Variants in MRPL1 observed in about 807,000 individuals in gnomAD.
MRPL1 encodes the protein mitochondrial ribosomal protein L1.
MRPL1 carries 28 observed loss-of-function variants against 38.0 expected under a neutral mutation model. That is an observed-to-expected ratio of 0.74 (90% CI 0.55 to 1.01). The LOEUF (loss-of-function observed/expected upper bound fraction) is 1.01, where lower values mean the gene tolerates loss of function less well. MRPL1 is among the 50% of genes least tolerant of loss of function. The pLI is 0.00. For synonymous variants in MRPL1, 123 were observed against 126.7 expected, an observed-to-expected ratio of 0.97 and a Z score of 0.20; for missense variants, 358 against 389.8, an observed-to-expected ratio of 0.92 and a Z score of 0.69.
chr4:77,890,749 C>G (rs1324870096), intron 5 of MRPL1, among the ~76,000 whole-genome samples: 1 of 152,166 alleles, frequency 6.6e-6, no homozygotes, highest in Non-Finnish European at 1.5e-5. Context: ...CGTCTCAGCC[C>G]CAAATCTCCT....
chr4:77,867,136 A>G (rs1216408724), intron 1 of MRPL1, among the ~76,000 whole-genome samples: 7 of 152,196 alleles, frequency 4.6e-5, no homozygotes, highest in African/African-American at 1.7e-4. Context: ...TTTATCCTGC[A>G]GTGCCTCCAT....
intron 7 of MRPL1, among the ~76,000 whole-genome samples, chr4:77,931,914 C>T (rs753649718): frequency 7.2e-5 from 11 of 151,934 alleles, no homozygotes; most frequent in Non-Finnish European, 4.4e-5. Flanking sequence ...CATCTGTTCA[C>T]GCAGCGCTGT....
intron 7 of MRPL1, among the ~76,000 whole-genome samples, chr4:77,934,573 T>G (rs968042264): frequency 6.6e-6 from 1 of 152,226 alleles, no homozygotes; most frequent in Non-Finnish European, 1.5e-5. Context: ...ACTGGAACTC[T>G]TATTTATTGC....
intron 2 of MRPL1, among the ~76,000 whole-genome samples, chr4:77,882,192 C>G (rs1401933471): frequency 6.6e-6 from 1 of 152,206 alleles, no homozygotes; most frequent in Non-Finnish European, 1.5e-5. Flanking sequence ...AGTTTGCCAA[C>G]TCTGCTCTAG....
At chr4:77,924,231 A>AGTGGTGT (rs10628114) in intron 7 of MRPL1, among the ~76,000 whole-genome samples, 114,396 of 151,270 alleles carry the variant, frequency 0.76, 44,053 homozygotes, top group African/African-American at 0.91. Context: ...ACTATTAATC[A>AGTGGTGT]GTGTGTTTCG....
At chr4:77,885,174 A>G in intron 3 of MRPL1, 82 bp from the exon 4 acceptor site, 1 of 1,035,404 alleles carries the variant, frequency 9.7e-7, no homozygotes, top group Non-Finnish European at 1.5e-6. Context: ...AAAACAAAAC[A>G]TGTCCGTTCT....
At chr4:77,913,225 A>G (rs1007807067) in intron 7 of MRPL1, among the ~76,000 whole-genome samples, 4 of 152,270 alleles carry the variant, frequency 2.6e-5, no homozygotes, top group African/African-American at 9.6e-5. Context: ...GTTAAGAGAA[A>G]GAAAAGACAA....
At chr4:77,935,859 G>C (rs184550902) in intron 7 of MRPL1, among the ~76,000 whole-genome samples, 1 of 150,680 alleles carries the variant, frequency 6.6e-6, no homozygotes, top group Non-Finnish European at 1.5e-5. Context: ...TTGAACCTGC[G>C]AGGCAGAGGT....
intron 6 of MRPL1, among the ~76,000 whole-genome samples, chr4:77,902,405 A>G (rs1359888637): frequency 6.7e-6 from 1 of 150,346 alleles, no homozygotes; most frequent in Non-Finnish European, 1.5e-5. Flanking sequence ...AAAAAAAAAA[A>G]CCGAGTTAGA....
At chr4:77,879,780 T>C (rs1299302615) in intron 2 of MRPL1, among the ~76,000 whole-genome samples, 1 of 152,226 alleles carries the variant, frequency 6.6e-6, no homozygotes, top group Admixed American at 6.5e-5. Flanking sequence ...ACTTCCACGG[T>C]AGCTGTTGAG....
At chr4:77,945,340 A>G (rs1737235021) in intron 7 of MRPL1, among the ~76,000 whole-genome samples, 1 of 151,976 alleles carries the variant, frequency 6.6e-6, no homozygotes, top group South Asian at 2.1e-4. Context: ...GAGATTTTGG[A>G]GGACAACTGG....
At chr4:77,900,900 GA>G (rs1736019856) in intron 6 of MRPL1, among the ~76,000 whole-genome samples, 1 of 152,060 alleles carries the variant, frequency 6.6e-6, no homozygotes. Context: ...GATGAAGAAG[GA>G]AAGAGTCTGG....
chr4:77,925,365 T>C (rs943548863), intron 7 of MRPL1, among the ~76,000 whole-genome samples: 1 of 151,826 alleles, frequency 6.6e-6, no homozygotes, highest in African/African-American at 2.4e-5. Context: ...TTTTTTTTCT[T>C]TTTTGAGACC....
At chr4:77,913,517 G>A (rs1736338930) in intron 7 of MRPL1, among the ~76,000 whole-genome samples, 1 of 152,138 alleles carries the variant, frequency 6.6e-6, no homozygotes, top group African/African-American at 2.4e-5. Context: ...GGATGCGGTG[G>A]GACTTGAGCA....
intron 6 of MRPL1, among the ~76,000 whole-genome samples, chr4:77,898,550 GGC>G (rs1189969016): frequency 6.6e-6 from 1 of 151,598 alleles, no homozygotes; most frequent in Admixed American, 6.6e-5. Flanking sequence ...GGAGCGCAGT[GGC>G]ACATCTCGGC....
intron 1 of MRPL1, among the ~76,000 whole-genome samples, chr4:77,869,693 G>A (rs1446644421): frequency 1.3e-5 from 2 of 152,044 alleles, no homozygotes; most frequent in African/African-American, 4.8e-5. Context: ...AGGTTCAAGC[G>A]ATTCTTGTGC....
intron 7 of MRPL1, among the ~76,000 whole-genome samples, chr4:77,924,710 T>C (rs1736670380): frequency 6.6e-6 from 1 of 152,258 alleles, no homozygotes; most frequent in Non-Finnish European, 1.5e-5. Flanking sequence ...CTATCATTTT[T>C]ACTCATAGTC....
intron 2 of MRPL1, among the ~76,000 whole-genome samples, chr4:77,881,171 T>C (rs557090868): frequency 7.9e-5 from 12 of 152,272 alleles, no homozygotes; most frequent in Admixed American, 3.3e-4. Flanking sequence ...TACTCCTCTT[T>C]AGTGGGAGGA....
chr4:77,899,751 GAATT>G (rs939382835), intron 6 of MRPL1, among the ~76,000 whole-genome samples: 23 of 152,018 alleles, frequency 1.5e-4, no homozygotes, highest in Admixed American at 3.9e-4. Context: ...ATTGAATAGA[GAATT>G]AAAGGAAAAG....
Sources: gnomAD v4.1 joint callset for allele counts (sites outside exome capture counted in the v4.1 genomes callset) on GRCh38, gnomAD v4.1.1 for gene constraint, MANE v1.5 for transcripts, NCBI Gene and HGNC (gene_info 2026-07-23, HGNC 2026-07-21) for gene names.